ZFHX3: variants seen among roughly 807,000 people sequenced by gnomAD.
ZFHX3 encodes zinc finger homeobox protein 3.
Under a neutral mutation model 279.1 loss-of-function variants are expected in ZFHX3, and 42 were observed. That is an observed-to-expected ratio of 0.15 (90% CI 0.12 to 0.19). ZFHX3 has a LOEUF of 0.19. Ranked by LOEUF, ZFHX3 falls within the 10% of genes least tolerant of loss-of-function variation. The pLI, the probability that ZFHX3 is intolerant of heterozygous loss-of-function variation, is 1.00. For missense variants in ZFHX3, 4,981 were observed against 4,754.0 expected (o/e 1.05, Z -1.40); for synonymous variants, 2,293 against 1,957.8 (o/e 1.17, Z -4.52).
At position 72,959,956 on chromosome 16, in the gene ZFHX3, T is replaced by G. The variant is rs1455024159; in HGVS notation, c.190A>C (p.Ser64Arg). The G allele has an allele frequency of 6.2e-7, 1 of 1,606,852 alleles. No individual in the cohort carries two copies. Among genetic ancestry groups the G allele is most frequent in the South Asian group, 1.1e-5 (1 of 90,124 alleles). The stretch of plus-strand genomic sequence containing the variant: ...GAGGGGGGCCCGGCCGACGCGGTGC[T>G]CTCCGCGAGGCGCTCATTGAAGGGG... ...RAPFNERLAE[S>R]TASAGPPSEP... Residue 64 changes from serine (S) to arginine (R), a missense_variant, in exon 2 of 10, where the codon AGC becomes CGC. Physicochemically the swap from Ser to Arg is moderately radical, Grantham distance 110. This residue lies in a region of ZFHX3 where 1,068 missense variants were observed against 935.2 expected (regional missense o/e 1.14). Transcript: ENST00000268489.
chr16:73,208,718 T>A (rs925917579), intron 5 of ZFHX3, among the ~76,000 whole-genome samples: 1 of 152,212 alleles, frequency 6.6e-6, no homozygotes, highest in Non-Finnish European at 1.5e-5. Flanking sequence ...TTGGTAGGAT[T>A]AGAGATGCCT....
intron 2 of ZFHX3, among the ~76,000 whole-genome samples, chr16:73,484,497 G>A (rs189535414): frequency 6.6e-6 from 1 of 152,280 alleles, no homozygotes; most frequent in East Asian, 1.9e-4. Flanking sequence ...ATGGGCCACC[G>A]GCATATCAGA....
At chr16:73,766,208 G>C (rs1318622287) in intron 1 of ZFHX3, among the ~76,000 whole-genome samples, 1 of 152,124 alleles carries the variant, frequency 6.6e-6, no homozygotes, top group Non-Finnish European at 1.5e-5. Context: ...TATAAAATTA[G>C]CTAAAATAAA....
chr16:72,965,159 G>A (rs1597028094), intron 1 of ZFHX3, among the ~76,000 whole-genome samples: 1 of 152,190 alleles, frequency 6.6e-6, no homozygotes. Context: ...GATTACAGGC[G>A]TGAGCCACCG....
chr16:73,148,274 A>C (rs568840532), intron 5 of ZFHX3, among the ~76,000 whole-genome samples: 29 of 152,108 alleles, frequency 1.9e-4, no homozygotes, highest in Non-Finnish European at 3.7e-4. Flanking sequence ...ACAATGGAAC[A>C]CTCTTTCCTT....
intron 5 of ZFHX3, among the ~76,000 whole-genome samples, chr16:73,249,851 A>C (rs897427955): frequency 2.3e-5 from 2 of 86,054 alleles, no homozygotes; most frequent in Non-Finnish European, 5.2e-5. Context: ...CACACACACA[A>C]AATTCAAAAG....
intron 1 of ZFHX3, among the ~76,000 whole-genome samples, chr16:73,843,635 T>G (rs375217475): frequency 4.6e-5 from 7 of 152,310 alleles, no homozygotes; most frequent in East Asian, 3.9e-4. Context: ...CAAAGATTGC[T>G]CTCCTCGTAT....
At chr16:73,564,825 G>A (rs181572265) in intron 2 of ZFHX3, among the ~76,000 whole-genome samples, 3 of 152,250 alleles carry the variant, frequency 2.0e-5, no homozygotes, top group Admixed American at 6.5e-5. Context: ...TCATCTCCAC[G>A]TCATGTTCTT....
intron 3 of ZFHX3, among the ~76,000 whole-genome samples, 169 bp downstream of exon 3, chr16:72,950,300 G>A (rs1473907283): frequency 6.6e-6 from 1 of 152,086 alleles, no homozygotes; most frequent in African/African-American, 2.4e-5. Context: ...TTTCCACCTG[G>A]TGACAAAGTG....
intron 2 of ZFHX3, among the ~76,000 whole-genome samples, chr16:73,678,258 A>C (rs1255785054): frequency 1.3e-5 from 2 of 152,170 alleles, no homozygotes; most frequent in Non-Finnish European, 2.9e-5. Flanking sequence ...AGTGAGTAAA[A>C]GTCACACTGT....
intron 5 of ZFHX3, among the ~76,000 whole-genome samples, chr16:73,194,892 T>G (rs1171421821): frequency 6.6e-6 from 1 of 152,200 alleles, no homozygotes; most frequent in Non-Finnish European, 1.5e-5. Flanking sequence ...TTATTTTAAG[T>G]TTTATGAAGA....
chr16:73,270,475 C>T (rs1172630254), intron 4 of ZFHX3, among the ~76,000 whole-genome samples: 6 of 152,204 alleles, frequency 3.9e-5, no homozygotes, highest in East Asian at 1.9e-4. Flanking sequence ...GCCTCTCCAT[C>T]GCCCACAGCA....
At chr16:72,902,490 T>C (rs955248038) in intron 3 of ZFHX3, among the ~76,000 whole-genome samples, 4 of 152,208 alleles carry the variant, frequency 2.6e-5, no homozygotes, top group African/African-American at 9.6e-5. Context: ...ACATTAGTTA[T>C]GCATGCTTCA....
Position 73,600,562 on chromosome 16 carries a change from C to T in ZFHX3, c.-1547+79618G>A, listed in dbSNP as rs554120910. On this transcript the variant is annotated intron_variant, in intron 2 of 17. Transcript: ENST00000641206. ...CCTCCCAAGTAGCTGGGACTACAGG[C>T]GCCCGCCACCACGCCCGGCCAATGT... is the stretch of plus-strand genomic sequence containing the variant. Among the ~76,000 whole-genome samples the T allele has an allele frequency of 2.1e-3, 312 of 152,000 alleles. 4 individuals carry two copies. The highest frequency in any genetic ancestry group is 6.8e-3 in the African/African-American group (284 of 41,460).
At chr16:73,056,336 T>C (rs565540870) in intron 1 of ZFHX3, among the ~76,000 whole-genome samples, 56 of 152,274 alleles carry the variant, frequency 3.7e-4, no homozygotes, top group Non-Finnish European at 7.1e-4. Flanking sequence ...ATCTCTAGTA[T>C]ATTCTCTTTT....
intron 5 of ZFHX3, among the ~76,000 whole-genome samples, chr16:73,249,523 C>G (rs1405676955): frequency 2.0e-5 from 3 of 152,114 alleles, no homozygotes; most frequent in East Asian, 3.9e-4. Flanking sequence ...GTTATCAGAT[C>G]TCATGACTAC....
chr16:73,026,190 TAC>T (rs1567639134), intron 1 of ZFHX3, among the ~76,000 whole-genome samples: 10 of 2,646 alleles, frequency 3.8e-3, no homozygotes, highest in Admixed American at 5.3e-3. Context: ...CTACAAAAAA[TAC>T]AAAAAAAAAA....
chr16:73,588,802 A>G lies in ZFHX3; in HGVS notation c.-1547+91378T>C, dbSNP rs1201146797. 2.0e-5 allele frequency among the ~76,000 whole-genome samples: 3 copies of G among 152,192 alleles called. No homozygotes were observed. In the South Asian group the frequency reaches 6.2e-4, roughly 32 times the overall value. ...AAATTCAGACTGTAGAAAATTCTCT[A>G]TAACAAATAGTTTCTCTTTAACAAA... On this transcript the variant is annotated intron_variant, in intron 2 of 17. Coordinates refer to the ZFHX3 transcript ENST00000641206.
chr16:73,036,566 G>A (rs1426895794), intron 1 of ZFHX3, among the ~76,000 whole-genome samples: 1 of 151,998 alleles, frequency 6.6e-6, no homozygotes, highest in Non-Finnish European at 1.5e-5. Flanking sequence ...AGAGGGGGAG[G>A]TTGAAAAGGC....
Sources: allele counts gnomAD v4.1 joint callset (sites outside exome capture counted in the v4.1 genomes callset), GRCh38; gene constraint gnomAD v4.1.1; regional missense constraint gnomAD v4.1.1; transcripts MANE v1.5; gene names NCBI Gene and HGNC (gene_info 2026-07-23, HGNC 2026-07-21).